Variants in PPARGC1A observed in about 807,000 individuals in gnomAD.
PPARGC1A encodes the protein PPARG coactivator 1 alpha.
A neutral mutation model predicts 88.7 loss-of-function variants in PPARGC1A; 25 were observed. That is an observed-to-expected ratio of 0.28 (90% CI 0.21 to 0.39). The LOEUF (loss-of-function observed/expected upper bound fraction) is 0.39, where lower values mean the gene tolerates loss of function less well. PPARGC1A is among the 10% of genes least tolerant of loss of function. PPARGC1A has a pLI of 1.00. For synonymous variants in PPARGC1A, 363 were observed against 355.6 expected (o/e 1.02, Z -0.24); for missense variants, 880 against 968.7 (o/e 0.91, Z 1.22).
the PPARGC1A span, among the ~76,000 whole-genome samples, chr4:24,298,176 A>G: frequency 1.4e-5 from 1 of 72,998 alleles, no homozygotes; most frequent in Non-Finnish European, 2.6e-5. Context: ...CTCAGGTGCT[A>G]TTACCAAATG....
At chr4:24,280,445 T>C in the PPARGC1A span, among the ~76,000 whole-genome samples, 2 of 152,282 alleles carry the variant, frequency 1.3e-5, no homozygotes, top group East Asian at 1.9e-4. Context: ...GGTGTGTCTC[T>C]GCTCTCCTGT....
chr4:24,054,325 A>AC, the PPARGC1A span, among the ~76,000 whole-genome samples: 38 of 151,732 alleles, frequency 2.5e-4, no homozygotes, highest in African/African-American at 7.5e-4. Flanking sequence ...AAAAAAAAAA[A>AC]ACACTATATT....
intron 2 of PPARGC1A, among the ~76,000 whole-genome samples, chr4:23,844,738 A>ATATATTATAATAATATATGATATATAT (rs570932595): frequency 2.6e-4 from 8 of 30,254 alleles, no homozygotes; most frequent in African/African-American, 7.0e-4. Context: ...AATATATGAT[A>ATATATTATAATAATATATGATATATAT]TATCATAATA....
intron 2 of PPARGC1A, among the ~76,000 whole-genome samples, chr4:23,879,645 C>T (rs1035905723): frequency 7.2e-5 from 11 of 152,150 alleles, no homozygotes; most frequent in Non-Finnish European, 1.5e-4. Context: ...TCACCTTGTC[C>T]CTTCCCTGTA....
the PPARGC1A span, among the ~76,000 whole-genome samples, chr4:23,963,843 G>T: frequency 6.6e-6 from 1 of 152,162 alleles, no homozygotes; most frequent in Non-Finnish European, 1.5e-5. Flanking sequence ...TCATAGTCGG[G>T]TGAAGAGTAA....
chr4:23,875,845 C>T (rs1001471454), intron 2 of PPARGC1A: 1 of 152,158 alleles, frequency 6.6e-6, no homozygotes, highest in African/African-American at 2.4e-5. Context: ...AGATTTATTG[C>T]TATGCTGCCC....
the PPARGC1A span, among the ~76,000 whole-genome samples, chr4:24,116,059 GC>G: frequency 6.6e-6 from 1 of 152,260 alleles, no homozygotes; most frequent in African/African-American, 2.4e-5. Flanking sequence ...AGCCACCTAA[GC>G]AAATTTTCTG....
the PPARGC1A span, among the ~76,000 whole-genome samples, chr4:23,938,530 T>C: frequency 6.6e-6 from 1 of 152,286 alleles, no homozygotes; most frequent in Admixed American, 6.5e-5. Flanking sequence ...CTGTTTAAGA[T>C]GTACAATGAT....
chr4:24,009,368 TG>T, the PPARGC1A span, among the ~76,000 whole-genome samples: 1 of 152,156 alleles, frequency 6.6e-6, no homozygotes, highest in African/African-American at 2.4e-5. Flanking sequence ...AAATAGGGTC[TG>T]ATTTTATTCT....
the PPARGC1A span, among the ~76,000 whole-genome samples, chr4:24,312,883 TAA>T: frequency 1.3e-5 from 2 of 151,462 alleles, no homozygotes; most frequent in African/African-American, 4.9e-5. Flanking sequence ...CTAATAGGAA[TAA>T]AAGTCACATC....
chr4:24,401,999 A>C, the PPARGC1A span, among the ~76,000 whole-genome samples: 3 of 152,224 alleles, frequency 2.0e-5, no homozygotes, highest in Non-Finnish European at 4.4e-5. Flanking sequence ...AAAGAGGGAA[A>C]TGGAAATACA....
the PPARGC1A span, among the ~76,000 whole-genome samples, chr4:24,005,002 G>C: frequency 2.6e-5 from 4 of 152,192 alleles, 1 homozygote; most frequent in African/African-American, 9.6e-5. Context: ...TTTCCAAAAG[G>C]ATTTATGACT....
chr4:24,118,856 C>T, the PPARGC1A span, among the ~76,000 whole-genome samples: 2 of 152,028 alleles, frequency 1.3e-5, no homozygotes, highest in African/African-American at 4.8e-5. Context: ...GAAACATTTT[C>T]TAAGTCACTG....
At chr4:24,073,619 T>C in the PPARGC1A span, among the ~76,000 whole-genome samples, 3 of 152,200 alleles carry the variant, frequency 2.0e-5, no homozygotes, top group South Asian at 4.1e-4. Flanking sequence ...ATGATGACAA[T>C]GATTATGATG....
At chr4:24,015,521 A>G in the PPARGC1A span, among the ~76,000 whole-genome samples, 1 of 152,138 alleles carries the variant, frequency 6.6e-6, no homozygotes, top group African/African-American at 2.4e-5. Context: ...AGCAAGAAAA[A>G]AGGGAAAGCT....
chr4:23,882,235 G>A (rs1716083471), intron 2 of PPARGC1A: 1 of 152,116 alleles, frequency 6.6e-6, no homozygotes, highest in African/African-American at 2.4e-5. Context: ...ACACTAAGAG[G>A]ATACCTGACA....
chr4:23,886,682 G>T (rs1036610488), intron 1 of PPARGC1A, among the ~76,000 whole-genome samples: 2 of 152,038 alleles, frequency 1.3e-5, no homozygotes, highest in African/African-American at 4.8e-5. Context: ...CTGGTACAAT[G>T]CTCATATTTG....
intron 2 of PPARGC1A, among the ~76,000 whole-genome samples, chr4:23,847,821 G>T (rs114008536): frequency 2.7e-3 from 413 of 152,242 alleles, no homozygotes; most frequent in Admixed American, 4.8e-3. Flanking sequence ...TTACAAGAAG[G>T]TGAGATTTCA....
At chr4:24,366,333 A>G in the PPARGC1A span, among the ~76,000 whole-genome samples, 1 of 152,200 alleles carries the variant, frequency 6.6e-6, no homozygotes, top group African/African-American at 2.4e-5. Context: ...GAAATGATTA[A>G]GCCAATTTTT....
Sources: allele counts gnomAD v4.1 joint callset (sites outside exome capture counted in the v4.1 genomes callset), GRCh38; gene constraint gnomAD v4.1.1; transcripts MANE v1.5; gene names NCBI Gene and HGNC (gene_info 2026-07-23, HGNC 2026-07-21).